ITGA5: variants seen among roughly 807,000 people sequenced by gnomAD.
ITGA5 encodes the protein integrin subunit alpha 5, also known as integrin alpha-5.
ITGA5 carries 55 observed loss-of-function variants against 146.3 expected under a neutral mutation model. The observed-to-expected ratio is 0.38, with a 90% CI of 0.30 to 0.47. ITGA5 has a LOEUF of 0.47. Ranked by LOEUF, ITGA5 falls within the 20% of genes least tolerant of loss-of-function variation. The pLI, the probability that ITGA5 is intolerant of heterozygous loss-of-function variation, is 0.99. For missense variants in ITGA5, 1,131 were observed against 1,329.0 expected (o/e 0.85, Z 2.32); for synonymous variants, 500 against 531.8 (o/e 0.94, Z 0.82).
chr12:54,399,300 G>A (rs1565637876), intron 27 of ITGA5, among the ~76,000 whole-genome samples: 1 of 152,328 alleles, frequency 6.6e-6, no homozygotes, highest in Admixed American at 6.5e-5. Context: ...CTAGCCTGCA[G>A]TGTGTGCTCA....
Position 54,409,387 on chromosome 12 carries a change from A to C in ITGA5, c.463-35T>G, listed in dbSNP as rs1955911963. The C allele has an allele frequency of 6.2e-7, 1 of 1,608,548 alleles. No homozygotes were observed. On this transcript the variant is annotated intron_variant, in intron 3 of 29. Coordinates refer to ENST00000293379, the MANE Select transcript of ITGA5 (RefSeq NM_002205.5). This position sits in a 1 kb window ranked among gnomAD's most constrained non-coding sequence, Gnocchi z 4.7. ...CCCAGGAGGAGGGGCCTTCAGATTC[A>C]GTCCAATAAGGCCCTTCCTCCCTCC...
At position 54,403,815 on chromosome 12, in the gene ITGA5, C is replaced by A; in HGVS notation, c.1622-36G>T. On this transcript the variant is annotated intron_variant, in intron 16 of 29. Transcript: ENST00000293379. This position sits in a 1 kb window ranked among gnomAD's most constrained non-coding sequence, Gnocchi z 4.9. ...GGACATATAAAGGGAAACTGCCTGT[C>A]TTTCCTCATCTTTTCAGAGAGAAGA... 2 of 1,610,780 alleles carry A rather than the reference C, an allele frequency of 1.2e-6. No homozygotes were observed. The highest frequency in any genetic ancestry group is 1.7e-6 in the Non-Finnish European group (2 of 1,177,248).
At position 54,402,005 on chromosome 12, in the gene ITGA5, G is replaced by T. The variant is rs140414186; in HGVS notation, c.2222C>A (p.Ala741Asp). ...CDLGNPMKAG[A>D]SLWGGLRFTV... ...CCTCTTTCATCCCAAACTTACACTG[G>T]CTCCTGCCTTCATGGGGTTGCCCAG... The change falls in exon 21 of 30, where the codon GCC (alanine) becomes GAC (aspartate). Residue 741 changes from alanine to aspartate, a missense_variant. Physicochemically the swap from Ala to Asp is moderately radical, Grantham distance 126 (BLOSUM62 -2). Coordinates refer to ENST00000293379, the MANE Select transcript of ITGA5 (RefSeq NM_002205.5). The T allele has an allele frequency of 1.2e-6, 2 of 1,613,926 alleles. No homozygotes were observed. Among genetic ancestry groups the T allele is most frequent in the African/African-American group, 2.7e-5 (2 of 74,912 alleles).
At chr12:54,406,600 A>T (rs1955869320) in intron 9 of ITGA5, among the ~76,000 whole-genome samples, 1 of 152,144 alleles carries the variant, frequency 6.6e-6, no homozygotes. Flanking sequence ...AGCTCTGGAG[A>T]ATCTGGCCCT....
rs1234563064 is a variant in ITGA5, at chr12:54,397,478, C to G, written c.2953G>C (p.Ala985Pro). 1 of 1,613,926 alleles carries G rather than the reference C, an allele frequency of 6.2e-7. No homozygotes were observed. Among genetic ancestry groups the G allele is most frequent in the East Asian group, 2.2e-5 (1 of 44,904 alleles). ...LPQKERQVAT[A>P]VQWTKAEGSY... ...CCTTCTGCCTTGGTCCATTGCACAG[C>G]TGTGGCCACCTGGGGAGCAAGTTGG... is the stretch of plus-strand genomic sequence containing the variant. The change falls in exon 29 of 30, where the codon GCT becomes CCT. Residue 985 changes from alanine to proline, a missense_variant. Transcript: ENST00000293379.
rs1161943591 is a variant in ITGA5, at chr12:54,411,854, G to A, written c.329C>T (p.Pro110Leu). ...CCTACCTTTGCTGTCAAATTCAATG[G>A]GGGTGCACTGTGTGGGGCTGGCACC... is the stretch of plus-strand genomic sequence containing the variant. ...PWGASPTQCT[P>L]IEFDSKGSRL... The change falls in exon 2 of 30, where the codon CCC becomes CTC. Residue 110 changes from proline (P) to leucine (L), a missense_variant. Physicochemically the swap from Pro to Leu is moderately conservative, Grantham distance 98 (BLOSUM62 -3). Coordinates refer to ENST00000293379, the MANE Select transcript of ITGA5 (RefSeq NM_002205.5). 1 of 1,562,670 alleles carries A rather than the reference G, an allele frequency of 6.4e-7. No homozygotes were observed. The highest frequency in any genetic ancestry group is 2.4e-5 in the East Asian group (1 of 40,850).
At chr12:54,397,268 T>C (rs1955722900) in intron 29 of ITGA5, 97 bp downstream of exon 29, 1 of 1,376,994 alleles carries the variant, frequency 7.3e-7, no homozygotes. Flanking sequence ...GGCACATGGC[T>C]GGTGAACTGG....
rs752001441 is a variant in ITGA5 at position 54,402,252 on chromosome 12, G to A, written c.2061C>T (p.Gly687=). 27 of 1,613,992 alleles carry A rather than the reference G, an allele frequency of 1.7e-5. No individual in the cohort carries two copies. The highest frequency in any genetic ancestry group is 4.4e-5 in the South Asian group (4 of 91,076). ...TFHAQNVGEG[G]AYEAELRVTA... is the part of the protein sequence containing the mutation. The stretch of plus-strand genomic sequence containing the variant: ...TGACCCGAAGCTCAGCCTCATAGGC[G>A]CCACCCTCACCCACATTCTGGGCAT... Residue 687 remains glycine (G), a synonymous_variant, in exon 20 of 30, where the codon GGC becomes GGT. Transcript: ENST00000293379.
At chr12:54,405,525 G>T in intron 11 of ITGA5, 139 bp downstream of exon 11, 2 of 1,028,980 alleles carry the variant, frequency 1.9e-6, no homozygotes, top group South Asian at 1.5e-5. Flanking sequence ...CCTTGTCCCT[G>T]AGCAAGGGGA....
intron 1 of ITGA5, among the ~76,000 whole-genome samples, chr12:54,417,535 T>C (rs1044359572): frequency 7.2e-5 from 11 of 151,782 alleles, no homozygotes; most frequent in African/African-American, 2.7e-4. Context: ...AGTCGGGGCC[T>C]AATCATTTTT....
At chr12:54,417,536 A>G (rs1475349529) in intron 1 of ITGA5, among the ~76,000 whole-genome samples, 1 of 151,722 alleles carries the variant, frequency 6.6e-6, no homozygotes, top group East Asian at 1.9e-4. Context: ...GTCGGGGCCT[A>G]ATCATTTTTC....
At chr12:54,406,844 C>A (rs1254371023) in intron 9 of ITGA5, among the ~76,000 whole-genome samples, 1 of 152,124 alleles carries the variant, frequency 6.6e-6, no homozygotes, top group Non-Finnish European at 1.5e-5. Context: ...TGTTACCATC[C>A]TTTTCCTAGA....
chr12:54,397,370 A>G lies in ITGA5; in HGVS notation c.3061T>C (p.Tyr1021His), dbSNP rs1955724800. 4 of 1,613,814 alleles carry G rather than the reference A, an allele frequency of 2.5e-6. No homozygotes were observed. ...ACAAGCAGGATGTGGCTGACCTTGT[A>G]GAGGATGTAGATGAGTAGACCTAGG... ...LLLGLLIYIL[Y>H]KLGFFKRSLP... The change falls in exon 29 of 30, where the codon TAC (tyrosine) becomes CAC (histidine). Residue 1021 changes from tyrosine (Y) to histidine (H), a missense_variant. By Grantham distance (83) the Tyr-to-His change is moderately conservative. Transcript: ENST00000293379.
intron 15 of ITGA5, 50 bp from the exon 16 acceptor site, chr12:54,404,016 C>G (rs372798426): frequency 1.2e-6 from 2 of 1,601,376 alleles, no homozygotes; most frequent in Non-Finnish European, 8.6e-7. Flanking sequence ...GAACAGACAT[C>G]CTATCCTCTA....
Position 54,404,859 on chromosome 12 carries a change from G to T in ITGA5, c.1261C>A (p.Gln421Lys), listed in dbSNP as rs538916711. The T allele has an allele frequency of 2.8e-5, 45 of 1,601,166 alleles. No homozygotes were observed. The highest frequency in any genetic ancestry group is 3.7e-5 in the Non-Finnish European group (44 of 1,175,114). The change falls in exon 13 of 30, where the codon CAG becomes AAG. Residue 421 changes from glutamine to lysine, a missense_variant. Transcript: ENST00000293379. ...GGAAATACAAACACTACTCCCTGCT[G>T]GGTCTCCCCACCAAAGGGAGCCCCG... is the stretch of plus-strand genomic sequence containing the variant. ...AIGAPFGGET[Q>K]QGVVFVFPGG... is the part of the protein sequence containing the mutation.
chr12:54,413,527 G>C (rs1014383689), intron 1 of ITGA5: 2 of 152,302 alleles, frequency 1.3e-5, no homozygotes, highest in Non-Finnish European at 2.9e-5. Context: ...TCACTTCTCC[G>C]TTTGTCTCCC....
At chr12:54,404,565 G>A (rs1184964720) in intron 13 of ITGA5, 90 bp from the exon 14 acceptor site, 2 of 1,534,696 alleles carry the variant, frequency 1.3e-6, no homozygotes, top group African/African-American at 1.4e-5. Context: ...GCTCAGGGAG[G>A]TTGAAGTGAG....
chr12:54,408,829 A>T (rs1257305320), intron 5 of ITGA5, 28 bp from the exon 6 acceptor site: 1 of 1,613,724 alleles, frequency 6.2e-7, no homozygotes, highest in Admixed American at 1.7e-5. Context: ...GGAGTCCAAC[A>T]TCTGGTCCCA....
chr12:54,397,254 TG>T (rs1955722835), intron 29 of ITGA5, 110 bp downstream of exon 29: 2 of 1,183,080 alleles, frequency 1.7e-6, no homozygotes, highest in East Asian at 2.4e-5. Context: ...AGGACAGAGG[TG>T]GGGGCACATG....
Sources: allele counts gnomAD v4.1 joint callset (sites outside exome capture counted in the v4.1 genomes callset), GRCh38; gene constraint gnomAD v4.1.1; non-coding constraint Gnocchi (gnomAD v3.1); transcripts MANE v1.5; gene names NCBI Gene and HGNC (gene_info 2026-07-23, HGNC 2026-07-21).